The following TBC1D16 variants were observed in gnomAD, a reference collection of about 807,000 sequenced individuals.
TBC1D16 encodes the protein CTD-2529O21.1.
TBC1D16 carries 58 observed loss-of-function variants against 74.7 expected under a neutral mutation model. The observed-to-expected ratio is 0.78, with a 90% CI of 0.63 to 0.97. The LOEUF is 0.97. TBC1D16 is among the 50% of genes least tolerant of loss of function. TBC1D16 has a pLI of 0.00. For missense variants in TBC1D16, 1,014 were observed against 1,079.5 expected (o/e 0.94, Z 0.85); for synonymous variants, 493 against 474.7 (o/e 1.04, Z -0.50).
chr17:79,961,135 C>T lies in TBC1D16; in HGVS notation c.780-8317G>A, dbSNP rs569902644. 3.9e-5 allele frequency among the ~76,000 whole-genome samples: 6 copies of T among 152,252 alleles called. No individual in the cohort carries two copies. Among genetic ancestry groups the T allele is most frequent in the African/African-American group, 7.2e-5 (3 of 41,544 alleles). On this transcript the variant is annotated intron_variant, in intron 3 of 11. Coordinates refer to ENST00000310924, the MANE Select transcript of TBC1D16 (RefSeq NM_019020.4). This position sits in a 1 kb window ranked among gnomAD's most constrained non-coding sequence, Gnocchi z 4.8. ...GTACATCTTAACAAGGGAATACATA[C>T]GCCTCAGCAATAAAAAGGAGCAAAC... is the stretch of plus-strand genomic sequence containing the variant.
intron 1 of TBC1D16, among the ~76,000 whole-genome samples, chr17:80,029,241 G>A (rs2036692764): frequency 6.6e-6 from 1 of 152,160 alleles, no homozygotes; most frequent in African/African-American, 2.4e-5. Flanking sequence ...GCTGGAGTAG[G>A]GGGAGCTGCC....
At chr17:80,029,245 A>C (rs556525026) in intron 1 of TBC1D16, among the ~76,000 whole-genome samples, 1 of 151,850 alleles carries the variant, frequency 6.6e-6, no homozygotes, top group Non-Finnish European at 1.5e-5. Context: ...GAGTAGGGGG[A>C]GCTGCCTGCA....
rs546701461 is a variant in TBC1D16, at chr17:79,954,610, A to G, written c.780-1792T>C. Among the ~76,000 whole-genome samples, 10 of 152,184 alleles carry G rather than the reference A, an allele frequency of 6.6e-5. No homozygotes were observed. Among genetic ancestry groups the G allele is most frequent in the African/African-American group, 2.4e-4 (10 of 41,536 alleles). On this transcript the variant is annotated intron_variant, in intron 3 of 11. Coordinates refer to ENST00000310924, the MANE Select transcript of TBC1D16 (RefSeq NM_019020.4). This position sits in a 1 kb window ranked among gnomAD's most constrained non-coding sequence, Gnocchi z 5.5. ...CATCTTCCCAAGTGGACCCTGCGGGAGCTGCGCTTCAGAATCGTTGCTCAC... is the reference window on the plus strand; with the variant it reads ...CATCTTCCCAAGTGGACCCTGCGGGGGCTGCGCTTCAGAATCGTTGCTCAC...
intron 1 of TBC1D16, among the ~76,000 whole-genome samples, chr17:80,029,220 G>A (rs2036691887): frequency 2.0e-5 from 3 of 152,130 alleles, no homozygotes; most frequent in Admixed American, 6.6e-5. Flanking sequence ...GGACGAGAGC[G>A]CTTTGAGGGG....
At chr17:79,951,161 A>G (rs923660458) in intron 5 of TBC1D16, among the ~76,000 whole-genome samples, 4 of 152,258 alleles carry the variant, frequency 2.6e-5, no homozygotes, top group African/African-American at 9.6e-5. Flanking sequence ...TACCTTAAAC[A>G]GATAATTAAA....
At chr17:79,989,588 G>A (rs2034984973) in intron 3 of TBC1D16, among the ~76,000 whole-genome samples, 1 of 152,250 alleles carries the variant, frequency 6.6e-6, no homozygotes, top group African/African-American at 2.4e-5. Context: ...GTGGAGTTCG[G>A]AATTGTTCTA....
rs1352163948 is a variant in TBC1D16, at chr17:79,936,211, T to C, written c.*4648A>G. On this transcript the variant is annotated 3_prime_UTR_variant, in exon 12 of 12. Transcript: ENST00000310924. ...GGTCTCGTGGCAGGAGTGGGCAGAA[T>C]GGGGTGCATTTTACAGAAGAGTCAC... 2 of 152,084 alleles carry C rather than the reference T, an allele frequency of 1.3e-5. No homozygotes were observed. The highest frequency in any genetic ancestry group is 4.8e-5 in the African/African-American group (2 of 41,388). 9.4% of individuals were successfully genotyped at this position (152,084 alleles called of 1,614,324 possible).
Position 79,981,156 on chromosome 17 carries a change from C to CGA in TBC1D16, c.780-28339_780-28338insTC, listed in dbSNP as rs1223893108. 2.0e-5 allele frequency among the ~76,000 whole-genome samples: 3 copies of CGA among 152,180 alleles called. No homozygotes were observed. The highest frequency in any genetic ancestry group is 4.4e-5 in the Non-Finnish European group (3 of 68,040). ...GGAAGGACAGAACTTGTTTAGGCATCGTTTCCTCGCTCCCTCCTTAATCTC... is the reference window on the plus strand; with the variant it reads ...GGAAGGACAGAACTTGTTTAGGCATCGAGTTTCCTCGCTCCCTCCTTAATCTC... On this transcript the variant is annotated intron_variant, in intron 3 of 11. Transcript: ENST00000310924. This position sits in a 1 kb window ranked among gnomAD's most constrained non-coding sequence, Gnocchi z 6.9.
intron 1 of TBC1D16, among the ~76,000 whole-genome samples, chr17:80,014,339 A>G (rs900174830): frequency 6.6e-6 from 1 of 152,176 alleles, no homozygotes; most frequent in Non-Finnish European, 1.5e-5. Context: ...CCTGGGCAAC[A>G]GAGCGAGACT....
chr17:80,032,945 C>G (rs1192923116), intron 1 of TBC1D16, among the ~76,000 whole-genome samples: 1 of 152,100 alleles, frequency 6.6e-6, no homozygotes, highest in African/African-American at 2.4e-5. Flanking sequence ...GCCAGGCAAC[C>G]TGATCAGCTC....
intron 1 of TBC1D16, among the ~76,000 whole-genome samples, chr17:80,016,847 G>A (rs2036106914): frequency 6.6e-6 from 1 of 152,168 alleles, no homozygotes; most frequent in South Asian, 2.1e-4. Flanking sequence ...ATATTCCAAA[G>A]ATGTTCCAGC....
At chr17:79,951,903 C>T (rs2033076336) in intron 4 of TBC1D16, 1 of 273,144 alleles carries the variant, frequency 3.7e-6, no homozygotes, top group Non-Finnish European at 7.0e-6. Context: ...GTCCGGGAGA[C>T]CTGGGTCCCA....
At position 79,956,492 on chromosome 17, in the gene TBC1D16, G is replaced by T. The variant is rs577538138; in HGVS notation, c.780-3674C>A. Among the ~76,000 whole-genome samples, 1 of 152,120 alleles carries T rather than the reference G, an allele frequency of 6.6e-6. No individual in the cohort carries two copies. The highest frequency in any genetic ancestry group is 1.5e-5 in the Non-Finnish European group (1 of 68,012). Reference sequence around the variant, plus strand: ...TGGTCTCAAACTCCTGAGCTCAAGCGATCTGTCTGCCTTGGCCTCCCAAAG... The same window carrying T: ...TGGTCTCAAACTCCTGAGCTCAAGCTATCTGTCTGCCTTGGCCTCCCAAAG... On this transcript the variant is annotated intron_variant, in intron 3 of 11. Transcript: ENST00000310924. The surrounding 1 kb of genome is among the most constrained non-coding windows in gnomAD (Gnocchi z 4.0).
At chr17:80,025,641 C>T (rs947988136) in intron 1 of TBC1D16, among the ~76,000 whole-genome samples, 1 of 144,770 alleles carries the variant, frequency 6.9e-6, no homozygotes, top group Non-Finnish European at 1.5e-5. Context: ...CCCACCCCCA[C>T]CCAGGAGCAC....
intron 3 of TBC1D16, among the ~76,000 whole-genome samples, chr17:79,955,487 G>A (rs376429788): frequency 1.4e-4 from 22 of 152,202 alleles, no homozygotes; most frequent in African/African-American, 5.3e-4. Flanking sequence ...ATAAACTACA[G>A]GGAAAACGAA....
intron 5 of TBC1D16, 41 bp downstream of exon 5, chr17:79,951,409 G>A: frequency 1.2e-6 from 2 of 1,601,018 alleles, no homozygotes; most frequent in Non-Finnish European, 8.5e-7. Context: ...GGGGTGGGGA[G>A]TGTCAACCGC....
At chr17:79,943,531 C>T (rs891447600) in intron 10 of TBC1D16, among the ~76,000 whole-genome samples, 1 of 152,168 alleles carries the variant, frequency 6.6e-6, no homozygotes, top group African/African-American at 2.4e-5. Flanking sequence ...CCTTCCCATT[C>T]CACAGAGCTC....
At position 79,942,008 on chromosome 17, in the gene TBC1D16, G is replaced by A. The variant is rs1211476220; in HGVS notation, c.2055+52C>T. On this transcript the variant is annotated intron_variant, in intron 11 of 11. Coordinates refer to ENST00000310924, the MANE Select transcript of TBC1D16 (RefSeq NM_019020.4). ...ACCTTTCTGAGAACGAGCTGGTGGG[G>A]TGGGGCTTTGGGGGCGGGGCGGGGT... 2.7e-6 allele frequency: 4 copies of A among 1,503,980 alleles called. No individual in the cohort carries two copies. In the Admixed American group the frequency reaches 7.8e-5, roughly 30 times the overall value. 93.2% of individuals were successfully genotyped at this position (1,503,980 alleles called of 1,614,324 possible).
chr17:79,996,352 A>C (rs1318479920), intron 3 of TBC1D16, among the ~76,000 whole-genome samples: 1 of 152,226 alleles, frequency 6.6e-6, no homozygotes, highest in African/African-American at 2.4e-5. Context: ...AGAATCAGAT[A>C]CCTGGATGGC....
Sources: allele counts gnomAD v4.1 joint callset (sites outside exome capture counted in the v4.1 genomes callset), GRCh38; gene constraint gnomAD v4.1.1; non-coding constraint Gnocchi (gnomAD v3.1); transcripts MANE v1.5; gene names NCBI Gene and HGNC (gene_info 2026-07-23, HGNC 2026-07-21).